The following GHDC variants were observed in gnomAD, a reference collection of about 807,000 sequenced individuals.
The protein encoded by GHDC is GH3 domain containing, also known as GH3 domain-containing protein.
In GHDC, 39 loss-of-function variants were observed where a neutral mutation model predicts 51.5. The ratio of observed to expected loss-of-function variants is 0.76; its 90% CI spans 0.59 to 0.99. The LOEUF (loss-of-function observed/expected upper bound fraction) is 0.99. Ranked by LOEUF, GHDC falls within the 50% of genes least tolerant of loss-of-function variation. GHDC has a pLI of 0.00. For synonymous variants in GHDC, 282 were observed against 305.2 expected, an observed-to-expected ratio of 0.92 and a Z score of 0.79; for missense variants, 610 against 672.8, an observed-to-expected ratio of 0.91 and a Z score of 1.03.
chr17:42,193,635 A>T, intron 2 of GHDC, 41 bp from the exon 3 acceptor site: 1 of 1,490,436 alleles, frequency 6.7e-7, no homozygotes, highest in Non-Finnish European at 8.9e-7. Context: ...GCATGCAGCA[A>T]TTATCCATTT....
chr17:42,189,636 G>A lies in GHDC; in HGVS notation c.*67C>T, dbSNP rs1213379644. 4.0e-5 allele frequency: 31 copies of A among 775,230 alleles called. No individual in the cohort carries two copies. The highest frequency in any genetic ancestry group is 2.8e-4 in the South Asian group (12 of 43,174). 48.0% of individuals were successfully genotyped at this position (775,230 alleles called of 1,614,324 possible). Reference sequence around the variant, plus strand: ...GACCCTGGCCAAGGACTCCCCATCCGGAGAGGTCCCAGAGGGAGGGGCGAG... The same window carrying A: ...GACCCTGGCCAAGGACTCCCCATCCAGAGAGGTCCCAGAGGGAGGGGCGAG... On this transcript the variant is annotated 3_prime_UTR_variant, in exon 10 of 10. Coordinates refer to ENST00000587427, the MANE Select transcript of GHDC (RefSeq NM_032484.5).
chr17:42,190,156 C>A, intron 9 of GHDC, 29 bp downstream of exon 9: 1 of 1,599,784 alleles, frequency 6.3e-7, no homozygotes, highest in South Asian at 1.1e-5. Flanking sequence ...AAGGGGTCTA[C>A]AGTCAGACCC....
At chr17:42,190,357 A>G in intron 8 of GHDC, 87 bp from the exon 9 acceptor site, 1 of 1,607,410 alleles carries the variant, frequency 6.2e-7, no homozygotes, top group Non-Finnish European at 8.5e-7. Context: ...GTTCTTCCCC[A>G]CTCTGAGATT....
At position 42,192,579 on chromosome 17, in the gene GHDC, G is replaced by T; in HGVS notation, c.551C>A (p.Ala184Asp). The T allele has an allele frequency of 1.9e-6, 3 of 1,613,728 alleles. No homozygotes were observed. The highest frequency in any genetic ancestry group is 2.2e-5 in the East Asian group (1 of 44,888). Residue 184 changes from alanine to aspartate, a missense_variant, in exon 5 of 10, where the codon GCC becomes GAC. By Grantham distance (126) the Ala-to-Asp change is moderately radical (BLOSUM62 -2). Transcript: ENST00000587427. ...GGACCTCAGTGCGTCCAGCAGCAGG[G>T]CCCTAGGGTCCTTGGTTCCAGGGGT... ...VGTPGTKDPR[A>D]LLLDALRSPG...
At chr17:42,194,179 A>C (rs952285066) in intron 1 of GHDC, 4 of 125,800 alleles carry the variant, frequency 3.2e-5, no homozygotes, top group African/African-American at 2.0e-4. Context: ...AGACCCTGTC[A>C]AAAAAAAAAA....
rs2079961190 is a variant in GHDC, at chr17:42,190,679, C to A, written c.1233G>T (p.Gly411=). The part of the protein sequence containing the change: ...LFSEALGRAV[G]QWAGAKLLDH... ...CCAGCAGCTTGGCCCCCGCCCACTG[C>A]CCCACTGCCCGGCCCAGGGCCTCAG... The change falls in exon 8 of 10, where the codon GGG becomes GGT. Residue 411 remains glycine (G), a synonymous_variant. Transcript: ENST00000587427. The A allele has an allele frequency of 3.7e-6, 6 of 1,613,756 alleles. No homozygotes were observed. The highest frequency in any genetic ancestry group is 3.3e-5 in the South Asian group (3 of 91,084).
In GHDC at chr17:42,190,918, G is replaced by A; in HGVS notation, c.1083-15C>T. ...CCAGGCGGCACCTGATGGGGTGCAAGTGGGAGTGAGGTCGGGCCCAAGGTC... is the reference window on the plus strand; with the variant it reads ...CCAGGCGGCACCTGATGGGGTGCAAATGGGAGTGAGGTCGGGCCCAAGGTC... On this transcript the variant is annotated splice_polypyrimidine_tract_variant and intron_variant, in intron 6 of 9. Coordinates refer to ENST00000587427, the MANE Select transcript of GHDC (RefSeq NM_032484.5). 1 of 1,602,270 alleles carries A rather than the reference G, an allele frequency of 6.2e-7. No individual in the cohort carries two copies. The highest frequency in any genetic ancestry group is 8.5e-7 in the Non-Finnish European group (1 of 1,175,418).
At chr17:42,190,559 G>T in intron 8 of GHDC, 65 bp downstream of exon 8, 1 of 1,542,658 alleles carries the variant, frequency 6.5e-7, no homozygotes, top group Non-Finnish European at 8.8e-7. Flanking sequence ...CAGTCCCCTG[G>T]CAGGGGAGGT....
intron 3 of GHDC, 129 bp downstream of exon 3, chr17:42,193,186 GTC>G (rs2079983247): frequency 6.5e-7 from 1 of 1,531,132 alleles, no homozygotes; most frequent in Non-Finnish European, 8.9e-7. Context: ...AAGAAAGCCA[GTC>G]CTGGGTCTCT....
At chr17:42,193,629 G>A (rs895074108) in intron 2 of GHDC, 35 bp from the exon 3 acceptor site, 2 of 1,496,182 alleles carry the variant, frequency 1.3e-6, no homozygotes, top group Non-Finnish European at 1.8e-6. Context: ...ATGGGGGCAT[G>A]CAGCAATTAT....
intron 8 of GHDC, 56 bp from the exon 9 acceptor site, chr17:42,190,326 CTA>C: frequency 1.6e-5 from 26 of 1,613,980 alleles, no homozygotes; most frequent in Non-Finnish European, 2.2e-5. Flanking sequence ...GCTGCCAAGT[CTA>C]GTGTCCTCTG....
intron 1 of GHDC, chr17:42,194,109 A>G (rs1018596930): frequency 6.5e-6 from 1 of 152,940 alleles, no homozygotes; most frequent in Admixed American, 6.5e-5. Flanking sequence ...TGAGCCCAGG[A>G]TGTCAAGGCT....
At position 42,193,545 on chromosome 17, in the gene GHDC, G is replaced by A; in HGVS notation, c.37C>T (p.Leu13=). 1 of 1,537,164 alleles carries A rather than the reference G, an allele frequency of 6.5e-7. No individual in the cohort carries two copies. The highest frequency in any genetic ancestry group is 8.7e-7 in the Non-Finnish European group (1 of 1,143,768). The change falls in exon 3 of 10, where the codon CTG becomes TTG. Residue 13 remains leucine, a synonymous_variant. Transcript: ENST00000587427. The stretch of plus-strand genomic sequence containing the variant: ...TGCCTGAGCAGGGCCAATGTTGGCA[G>A]CAGCAGCAGCAGCAGCAGCAGTGGC... ...LWPLLLLLLL[L]PTLALLRQQR...
In GHDC at chr17:42,193,514, C is replaced by T. The variant is rs746921646; in HGVS notation, c.68G>A (p.Arg23Gln). 1.5e-5 allele frequency: 23 copies of T among 1,550,656 alleles called. No homozygotes were observed. Among genetic ancestry groups the T allele is most frequent in the East Asian group, 4.8e-5 (2 of 41,286 alleles). Reference sequence around the variant, plus strand: ...CCAGGACAGCCTGGCATCCTGGGACCGCTGCTGCCTGAGCAGGGCCAATGT... The same window carrying T: ...CCAGGACAGCCTGGCATCCTGGGACTGCTGCTGCCTGAGCAGGGCCAATGT... ...LPTLALLRQQRSQDARLSWLA... is the reference protein window; with the variant it reads ...LPTLALLRQQQSQDARLSWLA... The change falls in exon 3 of 10, where the codon CGG becomes CAG. Residue 23 changes from arginine (R) to glutamine (Q), a missense_variant. Around this residue, in one of 2 missense-constraint regions of GHDC, gnomAD observed 198 missense variants for 262.3 expected, o/e 0.75. Coordinates refer to ENST00000587427, the MANE Select transcript of GHDC (RefSeq NM_032484.5).
Position 42,193,405 on chromosome 17 carries a change from CGTG to C in GHDC, c.174_176del (p.Ser58_Thr59delinsArg). 6.3e-7 allele frequency: 1 copy of C among 1,586,174 alleles called. No individual in the cohort carries two copies. The highest frequency in any genetic ancestry group is 1.1e-5 in the South Asian group (1 of 86,988). On this transcript the variant is annotated inframe_deletion, in exon 3 of 10. Transcript: ENST00000587427. ...GCTGCTGGCTCTGGTGCACATGGAG[CGTG>C]CTCTGCTCCAGCCTCCGCCGCTGCC...
chr17:42,193,053 G>T (rs757818828), intron 3 of GHDC, 26 bp from the exon 4 acceptor site: 2 of 1,613,900 alleles, frequency 1.2e-6, no homozygotes, highest in East Asian at 2.2e-5. Context: ...CAACAGAAAC[G>T]CCTCAGGAAG....
In GHDC at chr17:42,192,547, G is replaced by A. The variant is rs1188362728; in HGVS notation, c.583C>T (p.Leu195=). 6.2e-7 allele frequency: 1 copy of A among 1,613,782 alleles called. No homozygotes were observed. The highest frequency in any genetic ancestry group is 2.2e-5 in the East Asian group (1 of 44,884). Residue 195 remains leucine (L), a synonymous_variant, in exon 5 of 10, where the codon CTG becomes TTG. Coordinates refer to ENST00000587427, the MANE Select transcript of GHDC (RefSeq NM_032484.5). ...GCCGTCCCAGCCTCCAGTGCCCTCA[G>A]CCCTGGGGACCTCAGTGCGTCCAGC... ...LLLDALRSPG[L]RALEAGTAVE...
Position 42,189,351 on chromosome 17 carries a change from A to G in GHDC, c.*352T>C. On this transcript the variant is annotated 3_prime_UTR_variant, in exon 10 of 10. Coordinates refer to ENST00000587427, the MANE Select transcript of GHDC (RefSeq NM_032484.5). ...CTCCTGGGGACATTAACCCCCCAAC[A>G]CTTCTAGCTTGCCCAGTGCACTGAC... 2.6e-6 allele frequency: 1 copy of G among 391,814 alleles called. No individual in the cohort carries two copies. Among genetic ancestry groups the G allele is most frequent in the Non-Finnish European group, 4.5e-6 (1 of 222,346 alleles). The allele number at this position is 391,814 out of a possible 1,614,324, so 24.3% of individuals were successfully genotyped here. A position where few individuals can be genotyped will look rare whatever the true frequency, so the allele number is the denominator to read the frequency against.
Position 42,189,850 on chromosome 17 carries a change from G to A in GHDC, c.1446C>T (p.Ala482=), listed in dbSNP as rs1164971181. 6.4e-7 allele frequency: 1 copy of A among 1,561,926 alleles called. No homozygotes were observed. Among genetic ancestry groups the A allele is most frequent in the Non-Finnish European group, 8.7e-7 (1 of 1,154,118 alleles). ...SLRFWGSVGP[A]RVHLVGQGAF... ...CTCCCTGCCCCACCAGGTGGACTCTGGCAGGGCCCACGCTGCCCCAGAACC... is the reference window on the plus strand; with the variant it reads ...CTCCCTGCCCCACCAGGTGGACTCTAGCAGGGCCCACGCTGCCCCAGAACC... The change falls in exon 10 of 10, where the codon GCC becomes GCT. Residue 482 remains alanine, a synonymous_variant. Transcript: ENST00000587427.
Sources: allele counts gnomAD v4.1 joint callset, GRCh38; gene constraint gnomAD v4.1.1; regional missense constraint gnomAD v4.1.1; transcripts MANE v1.5; gene names NCBI Gene and HGNC (gene_info 2026-07-23, HGNC 2026-07-21).